The following CELF2 variants were observed in gnomAD, a reference collection of about 807,000 sequenced individuals.
CELF2 encodes CUGBP Elav-like family member 2.
CELF2 carries 8 observed loss-of-function variants against 62.6 expected under a neutral mutation model. The observed-to-expected ratio is 0.13, with a 90% CI of 0.07 to 0.23. The LOEUF (loss-of-function observed/expected upper bound fraction) is 0.23. Ranked by LOEUF, CELF2 falls within the 10% of genes least tolerant of loss-of-function variation. The probability of loss-of-function intolerance (pLI) is 1.00; values close to 1 mark genes in which losing one functional copy is unlikely to be tolerated. For missense variants in CELF2, 333 were observed against 671.0 expected, an observed-to-expected ratio of 0.50 and a Z score of 5.56; for synonymous variants, 258 against 250.0, an observed-to-expected ratio of 1.03 and a Z score of -0.30.
intron 1 of CELF2, among the ~76,000 whole-genome samples, chr10:10,911,348 T>C (rs558654127): frequency 1.3e-5 from 2 of 152,312 alleles, no homozygotes; most frequent in African/African-American, 4.8e-5. Context: ...ATAGAAAGAA[T>C]ACTAAAATAA....
the CELF2 span, among the ~76,000 whole-genome samples, chr10:10,600,029 C>T: frequency 4.6e-5 from 7 of 152,190 alleles, no homozygotes; most frequent in Non-Finnish European, 1.0e-4. Flanking sequence ...CCGAGCCCGG[C>T]CTCTGCCCCA....
intron 4 of CELF2, among the ~76,000 whole-genome samples, chr10:11,253,103 C>G (rs1407825483): frequency 6.6e-6 from 1 of 152,260 alleles, no homozygotes; most frequent in East Asian, 1.9e-4. Context: ...CAAACAGAAG[C>G]TGCTTCGGTT....
chr10:10,760,486 C>T, the CELF2 span, among the ~76,000 whole-genome samples: 1 of 152,214 alleles, frequency 6.6e-6, no homozygotes, highest in Non-Finnish European at 1.5e-5. Flanking sequence ...ATTTCCTTAA[C>T]TCAGAAGATG....
the CELF2 span, among the ~76,000 whole-genome samples, chr10:10,547,901 T>A: frequency 0.18 from 27,697 of 152,070 alleles, 3,873 homozygotes; most frequent in East Asian, 0.56. Flanking sequence ...TTTTCCTTTG[T>A]TGTGGAATAT....
chr10:11,047,292 T>C (rs969399522), intron 1 of CELF2, among the ~76,000 whole-genome samples: 2 of 152,208 alleles, frequency 1.3e-5, no homozygotes, highest in Non-Finnish European at 2.9e-5. Context: ...AGTTTTGAGA[T>C]GAGTGTTTTC....
At chr10:10,872,992 A>G (rs995003345) in intron 1 of CELF2, among the ~76,000 whole-genome samples, 1 of 151,768 alleles carries the variant, frequency 6.6e-6, no homozygotes, top group Non-Finnish European at 1.5e-5. Flanking sequence ...TCACCATTCA[A>G]GTTTCTCCCT....
chr10:10,558,958 A>G, the CELF2 span, among the ~76,000 whole-genome samples: 10 of 152,306 alleles, frequency 6.6e-5, no homozygotes, highest in Admixed American at 4.6e-4. Flanking sequence ...GACATAGCAT[A>G]AGAATAATAT....
At chr10:10,998,879 TC>T (rs1656140745) in intron 2 of CELF2, among the ~76,000 whole-genome samples, 1 of 152,202 alleles carries the variant, frequency 6.6e-6, no homozygotes, top group Admixed American at 6.5e-5. Context: ...AGTCTTGTCT[TC>T]CCATCTCATC....
At chr10:10,656,219 C>G in the CELF2 span, among the ~76,000 whole-genome samples, 2 of 150,648 alleles carry the variant, frequency 1.3e-5, no homozygotes, top group East Asian at 3.9e-4. Context: ...AGTCAGGAAA[C>G]AACAGGTGCT....
intron 2 of CELF2, among the ~76,000 whole-genome samples, chr10:10,980,632 A>T (rs75600241): frequency 6.6e-6 from 1 of 152,172 alleles, no homozygotes; most frequent in African/African-American, 2.4e-5. Flanking sequence ...ACTAACTGGG[A>T]TGCATTTCTG....
At chr10:10,815,708 A>G (rs182534261) in intron 1 of CELF2, among the ~76,000 whole-genome samples, 1 of 152,300 alleles carries the variant, frequency 6.6e-6, no homozygotes, top group African/African-American at 2.4e-5. Context: ...TTTGGTAGCC[A>G]TGAAATTAGC....
intron 9 of CELF2, among the ~76,000 whole-genome samples, chr10:11,289,186 T>G (rs915305390): frequency 1.5e-4 from 23 of 152,226 alleles, no homozygotes; most frequent in African/African-American, 3.1e-4. Context: ...GTTTTGTTTT[T>G]TTTTAATTTA....
At chr10:10,635,118 C>G in the CELF2 span, among the ~76,000 whole-genome samples, 1 of 152,172 alleles carries the variant, frequency 6.6e-6, no homozygotes, top group Non-Finnish European at 1.5e-5. Flanking sequence ...CAGTGCTACC[C>G]TCACACTCAA....
In CELF2 at chr10:11,243,589, T is replaced by C. The variant is rs1361559842; in HGVS notation, c.355-5564T>C. On this transcript the variant is annotated intron_variant, in intron 3 of 12. Coordinates refer to ENST00000633077, the MANE Select transcript of CELF2 (RefSeq NM_001326342.2). The surrounding 1 kb of genome is among the most constrained non-coding windows in gnomAD (Gnocchi z 4.1). Reference sequence around the variant, plus strand: ...AGAGATCTCCTGTCGTCTTCCAGGCTTGCTGCAAGTGCAGCTGAGATGAAC... The same window carrying C: ...AGAGATCTCCTGTCGTCTTCCAGGCCTGCTGCAAGTGCAGCTGAGATGAAC... Among the ~76,000 whole-genome samples the C allele has an allele frequency of 1.3e-5, 2 of 152,232 alleles. No individual in the cohort carries two copies. Among genetic ancestry groups the C allele is most frequent in the Non-Finnish European group, 2.9e-5 (2 of 68,038 alleles).
intron 2 of CELF2, among the ~76,000 whole-genome samples, chr10:11,181,043 T>A (rs921303402): frequency 1.3e-5 from 2 of 152,110 alleles, no homozygotes; most frequent in Non-Finnish European, 2.9e-5. Context: ...CTAATTTTTG[T>A]GTTTTTAGTA....
chr10:10,583,411 C>A, the CELF2 span, among the ~76,000 whole-genome samples: 1 of 152,134 alleles, frequency 6.6e-6, no homozygotes, highest in East Asian at 1.9e-4. Flanking sequence ...TTCAGGCTTA[C>A]CTGTGCTGTT....
upstream of CELF2, among the ~76,000 whole-genome samples, chr10:11,002,822 C>T (rs556322208): frequency 1.3e-5 from 2 of 151,734 alleles, no homozygotes; most frequent in South Asian, 4.2e-4. This position sits in a 1 kb window ranked among gnomAD's most constrained non-coding sequence, Gnocchi z 4.4. Flanking sequence ...TTTTTTTTCA[C>T]ATAGTTGTTA....
In CELF2 at chr10:11,126,386, A is replaced by G. The variant is rs12415475; in HGVS notation, c.75-39100A>G. On this transcript the variant is annotated intron_variant, in intron 1 of 12. Coordinates refer to ENST00000633077, the MANE Select transcript of CELF2 (RefSeq NM_001326342.2). ...AAACACAACCCTTGCAAGGTGGACT[A>G]TAGTATTAAGCAAACTAGGAAGAAG... Among the ~76,000 whole-genome samples, 1,022 of 152,332 alleles carry G rather than the reference A, an allele frequency of 6.7e-3. 34 individuals carry two copies. The highest frequency in any genetic ancestry group is 0.049 in the Admixed American group (744 of 15,290).
chr10:10,672,743 CA>C, the CELF2 span, among the ~76,000 whole-genome samples: 1 of 152,004 alleles, frequency 6.6e-6, no homozygotes, highest in East Asian at 1.9e-4. Context: ...CTACAAACTT[CA>C]TTCTTGTTCT....
Sources: allele counts gnomAD v4.1 joint callset (sites outside exome capture counted in the v4.1 genomes callset), GRCh38; gene constraint gnomAD v4.1.1; non-coding constraint Gnocchi (gnomAD v3.1); transcripts MANE v1.5; gene names NCBI Gene and HGNC (gene_info 2026-07-23, HGNC 2026-07-21).